RALYL: variants seen among roughly 807,000 people sequenced by gnomAD.
The protein encoded by RALYL is RALY RNA binding protein like.
Under a neutral mutation model 35.1 loss-of-function variants are expected in RALYL, and 29 were observed. The observed-to-expected ratio is 0.83, with a 90% confidence interval of 0.61 to 1.13. The LOEUF (loss-of-function observed/expected upper bound fraction) is 1.13. Ranked by LOEUF, RALYL falls within the 50% of genes most tolerant of loss-of-function variation. RALYL has a pLI of 0.00. For missense variants in RALYL, 359 were observed against 360.4 expected (o/e 1.00, Z 0.03); for synonymous variants, 120 against 127.6 (o/e 0.94, Z 0.40).
At chr8:84,857,667 G>A (rs904025523) in intron 5 of RALYL, among the ~76,000 whole-genome samples, 7 of 152,180 alleles carry the variant, frequency 4.6e-5, no homozygotes, top group East Asian at 1.9e-4. Flanking sequence ...TAAACATTAC[G>A]AAGACCATTT....
At chr8:84,333,150 C>T (rs1847150392) in intron 1 of RALYL, among the ~76,000 whole-genome samples, 1 of 152,130 alleles carries the variant, frequency 6.6e-6, no homozygotes, top group Non-Finnish European at 1.5e-5. Context: ...AGAATGGTCT[C>T]AAGTTTAATG....
intron 2 of RALYL, among the ~76,000 whole-genome samples, chr8:84,591,108 A>AT (rs1564197765): frequency 6.6e-6 from 1 of 152,178 alleles, no homozygotes; most frequent in Non-Finnish European, 1.5e-5. Flanking sequence ...ACAGGATAGT[A>AT]TTTTTTAAAA....
chr8:84,193,866 G>A (rs908437961), intron 1 of RALYL, among the ~76,000 whole-genome samples: 2 of 152,260 alleles, frequency 1.3e-5, no homozygotes, highest in African/African-American at 4.8e-5. Flanking sequence ...GTAAAACAAA[G>A]TGAGGAGCTT....
At chr8:84,839,185 G>T (rs934561717) in intron 4 of RALYL, among the ~76,000 whole-genome samples, 1 of 152,266 alleles carries the variant, frequency 6.6e-6, no homozygotes, top group Admixed American at 6.5e-5. Context: ...CCTCCCCCGG[G>T]AAGTGCAAGA....
chr8:84,374,696 A>G lies in RALYL; in HGVS notation c.-23-154603A>G, dbSNP rs896957141. ...CACAAAAAGGGAAACAACACCCACT[A>G]TGGCCTACTTGAGGGTGGAGGGTGC... On this transcript the variant is annotated intron_variant, in intron 1 of 8. Coordinates refer to ENST00000521268, the MANE Select transcript of RALYL (RefSeq NM_173848.7). Among the ~76,000 whole-genome samples the G allele has an allele frequency of 2.6e-5, 4 of 151,756 alleles. No homozygotes were observed. In the East Asian group the frequency reaches 5.9e-4, roughly 22 times the overall value.
chr8:84,526,203 C>T (rs2058882727), intron 1 of RALYL, among the ~76,000 whole-genome samples: 1 of 152,020 alleles, frequency 6.6e-6, no homozygotes, highest in African/African-American at 2.4e-5. Flanking sequence ...CATCTGCCCA[C>T]CTCAGCCTCC....
At chr8:84,915,098 A>G (rs1848244169) in intron 8 of RALYL, among the ~76,000 whole-genome samples, 1 of 152,066 alleles carries the variant, frequency 6.6e-6, no homozygotes, top group South Asian at 2.1e-4. Flanking sequence ...AAACCAAATG[A>G]AAATATACAT....
chr8:84,238,519 T>C (rs1285904035), intron 1 of RALYL, among the ~76,000 whole-genome samples: 1 of 152,182 alleles, frequency 6.6e-6, no homozygotes, highest in Non-Finnish European at 1.5e-5. Flanking sequence ...ATCAACCAGC[T>C]ACTACTTACC....
At chr8:84,623,626 A>T (rs1305717917) in intron 2 of RALYL, among the ~76,000 whole-genome samples, 1 of 152,100 alleles carries the variant, frequency 6.6e-6, no homozygotes, top group Non-Finnish European at 1.5e-5. Context: ...TGAGATGAGA[A>T]CATGAAATGA....
intron 2 of RALYL, among the ~76,000 whole-genome samples, chr8:84,547,225 G>T (rs1338625512): frequency 6.6e-6 from 1 of 151,964 alleles, no homozygotes; most frequent in African/African-American, 2.4e-5. Flanking sequence ...TTAAGTGGGT[G>T]TTACTTTTTA....
intron 3 of RALYL, among the ~76,000 whole-genome samples, chr8:84,789,162 A>G (rs1472904090): frequency 6.6e-6 from 1 of 152,238 alleles, no homozygotes; most frequent in Non-Finnish European, 1.5e-5. Context: ...ATCTATCATC[A>G]ATGCAGAGCA....
At chr8:84,342,290 AT>A (rs2130906110) in intron 1 of RALYL, among the ~76,000 whole-genome samples, 1 of 122,650 alleles carries the variant, frequency 8.2e-6, no homozygotes, top group Non-Finnish European at 1.7e-5. Flanking sequence ...ATATATATAT[AT>A]ATATAAAACT....
intron 2 of RALYL, among the ~76,000 whole-genome samples, chr8:84,696,644 A>G (rs1461897194): frequency 6.6e-6 from 1 of 151,816 alleles, no homozygotes; most frequent in Non-Finnish European, 1.5e-5. Flanking sequence ...GTGTTTGCCA[A>G]ACTAAAGAAG....
intron 4 of RALYL, among the ~76,000 whole-genome samples, chr8:84,811,221 TC>T (rs1284691940): frequency 1.3e-5 from 2 of 152,192 alleles, no homozygotes; most frequent in East Asian, 3.8e-4. Flanking sequence ...ACTGGCAAAC[TC>T]TCTCAGCATT....
intron 1 of RALYL, chr8:84,184,799 G>A (rs1812076134): frequency 1.6e-6 from 1 of 612,524 alleles, no homozygotes. Flanking sequence ...GGAGGGGCGA[G>A]GGCCGTGTAC....
chr8:84,306,822 A>G (rs1161521828), intron 1 of RALYL, among the ~76,000 whole-genome samples: 1 of 152,232 alleles, frequency 6.6e-6, no homozygotes, highest in East Asian at 1.9e-4. Context: ...GAAGAGGTCA[A>G]GTTGAATTGC....
At chr8:84,513,086 A>G (rs1587890235) in intron 1 of RALYL, among the ~76,000 whole-genome samples, 1 of 152,262 alleles carries the variant, frequency 6.6e-6, no homozygotes, top group East Asian at 1.9e-4. Context: ...TAGAAATTAT[A>G]TTGTAACTGT....
At chr8:84,501,323 A>G (rs1383640524) in intron 1 of RALYL, among the ~76,000 whole-genome samples, 1 of 152,126 alleles carries the variant, frequency 6.6e-6, no homozygotes, top group Non-Finnish European at 1.5e-5. Flanking sequence ...CTTCAAATGT[A>G]ATTACATATC....
At chr8:84,428,098 TC>T (rs2046712961) in intron 1 of RALYL, among the ~76,000 whole-genome samples, 1 of 135,876 alleles carries the variant, frequency 7.4e-6, no homozygotes, top group African/African-American at 2.8e-5. Context: ...TCTCTCTCTC[TC>T]TCTCTCTCAC....
Sources: allele counts gnomAD v4.1 joint callset (sites outside exome capture counted in the v4.1 genomes callset), GRCh38; gene constraint gnomAD v4.1.1; transcripts MANE v1.5; gene names NCBI Gene and HGNC (gene_info 2026-07-23, HGNC 2026-07-21).